Variants in AKT2 observed in about 807,000 individuals in gnomAD.
AKT2 encodes the protein RAC-beta serine/threonine-protein kinase.
Under a neutral mutation model 58.6 loss-of-function variants are expected in AKT2, and 16 were observed. The ratio of observed to expected loss-of-function variants is 0.27; its 90% CI spans 0.18 to 0.41. The LOEUF (loss-of-function observed/expected upper bound fraction) is 0.41. Ranked by LOEUF, AKT2 falls within the 10% of genes least tolerant of loss-of-function variation. AKT2 has a pLI of 1.00. For synonymous variants in AKT2, 253 were observed against 254.0 expected, an observed-to-expected ratio of 1.00 and a Z score of 0.04; for missense variants, 438 against 661.0, an observed-to-expected ratio of 0.66 and a Z score of 3.70.
chr19:40,282,708 C>G (rs373013888), intron 1 of AKT2: 1 of 357,658 alleles, frequency 2.8e-6, no homozygotes, highest in South Asian at 2.1e-5. Flanking sequence ...CAAATCCTAC[C>G]CTGGCACCCA....
rs758179603 is a variant in AKT2, at chr19:40,232,425, C to T, written c.*1447G>A. The T allele has an allele frequency of 3.0e-5, 7 of 233,804 alleles. No homozygotes were observed. The highest frequency in any genetic ancestry group is 1.1e-4 in the African/African-American group (5 of 45,300). The allele number at this position is 233,804 out of a possible 1,614,324, so 14.5% of individuals were successfully genotyped here. A position where few individuals can be genotyped will look rare whatever the true frequency, so the allele number is the denominator to read the frequency against. On this transcript the variant is annotated 3_prime_UTR_variant, in exon 14 of 14. Coordinates refer to ENST00000392038, the MANE Select transcript of AKT2 (RefSeq NM_001626.6). ...ACGGAGAACTGTCAGATAACAACAT[C>T]GCACACAGAGGAAAAAGACCCTCAC... is the stretch of plus-strand genomic sequence containing the variant.
rs199761707 is a variant in AKT2 at position 40,236,414 on chromosome 19, G to A, written c.832-29C>T. On this transcript the variant is annotated intron_variant, in intron 9 of 13. Transcript: ENST00000392038. ...TTGGAAAAGTCAACGGATCTCAGGT[G>A]CATGCTCCCAAGGCTTCCTGCCACC... 2,104 of 1,613,484 alleles carry A rather than the reference G, an allele frequency of 1.3e-3. 4 individuals are homozygous for A. Among genetic ancestry groups the A allele is most frequent in the Non-Finnish European group, 1.7e-3 (1,979 of 1,179,954 alleles).
At chr19:40,269,955 G>A (rs932543707) in intron 1 of AKT2, among the ~76,000 whole-genome samples, 2 of 152,038 alleles carry the variant, frequency 1.3e-5, no homozygotes, top group African/African-American at 2.4e-5. Context: ...AGGACCCTAC[G>A]CGGCCTGCAA....
intron 7 of AKT2, chr19:40,239,690 T>C (rs1414095705): frequency 2.4e-6 from 1 of 418,902 alleles, no homozygotes; most frequent in African/African-American, 2.0e-5. Flanking sequence ...CATCTGCTTC[T>C]ATGAGCATAT....
chr19:40,252,406 G>C (rs1007545240), intron 4 of AKT2, among the ~76,000 whole-genome samples: 1 of 152,188 alleles, frequency 6.6e-6, no homozygotes, highest in African/African-American at 2.4e-5. Context: ...GTAAAGGAAA[G>C]GGCATGTTGT....
chr19:40,276,061 T>C (rs1041904221), intron 1 of AKT2, among the ~76,000 whole-genome samples: 7 of 148,990 alleles, frequency 4.7e-5, no homozygotes, highest in Admixed American at 3.3e-4. Flanking sequence ...CATTCTGGAG[T>C]GCAATTCTAT....
intron 4 of AKT2, among the ~76,000 whole-genome samples, chr19:40,251,527 C>T (rs181349244): frequency 2.1e-4 from 32 of 151,896 alleles, no homozygotes; most frequent in Admixed American, 1.1e-3. Flanking sequence ...TGACATTCTA[C>T]AAGACAACTA....
At position 40,237,893 on chromosome 19, in the gene AKT2, C is replaced by T; in HGVS notation, c.831+76G>A. The T allele has an allele frequency of 6.3e-7, 1 of 1,595,260 alleles. No homozygotes were observed. The highest frequency in any genetic ancestry group is 8.5e-7 in the Non-Finnish European group (1 of 1,172,346). ...AGCCTGGCGAATGAGGGCAGAAGCT[C>T]AGCCCAACTTCCCCAGTGTGAGTCC... On this transcript the variant is annotated intron_variant, in intron 9 of 13. Coordinates refer to ENST00000392038, the MANE Select transcript of AKT2 (RefSeq NM_001626.6). The surrounding 1 kb of genome is among the most constrained non-coding windows in gnomAD (Gnocchi z 4.5).
intron 1 of AKT2, among the ~76,000 whole-genome samples, chr19:40,284,194 A>C (rs1402301577): frequency 6.6e-6 from 1 of 152,124 alleles, no homozygotes; most frequent in East Asian, 1.9e-4. Flanking sequence ...AGATGCCCCC[A>C]GAGAGCTTCC....
chr19:40,235,053 G>C lies in AKT2; in HGVS notation c.1358C>G (p.Pro453Arg). 1 of 1,614,114 alleles carries C rather than the reference G, an allele frequency of 6.2e-7. No individual in the cohort carries two copies. Among genetic ancestry groups the C allele is most frequent in the Non-Finnish European group, 8.5e-7 (1 of 1,179,940 alleles). ...GGGCCCCAGGCACTCACAGCGGTCA[G>C]GGGGTGTGATTGTGATGGACTGGGC... ...FTAQSITITP[P>R]DRYDSLGLLE... is the part of the protein sequence containing the mutation. The change falls in exon 13 of 14, where the codon CCT becomes CGT. Residue 453 changes from proline to arginine, a missense_variant. Transcript: ENST00000392038. The surrounding 1 kb of genome is among the most constrained non-coding windows in gnomAD (Gnocchi z 6.3).
intron 3 of AKT2, among the ~76,000 whole-genome samples, chr19:40,255,501 C>T (rs182697199): frequency 2.0e-5 from 3 of 152,070 alleles, no homozygotes; most frequent in African/African-American, 7.2e-5. Context: ...GACAGGGCCG[C>T]GATGGGGACA....
intron 4 of AKT2, among the ~76,000 whole-genome samples, chr19:40,250,504 A>C (rs1205035583): frequency 6.7e-6 from 1 of 149,034 alleles, no homozygotes; most frequent in Non-Finnish European, 1.5e-5. Context: ...ACTCTGTCTA[A>C]AAAAAAAAGA....
At chr19:40,277,293 T>C (rs984232875) in intron 1 of AKT2, among the ~76,000 whole-genome samples, 20 of 152,178 alleles carry the variant, frequency 1.3e-4, no homozygotes, top group Non-Finnish European at 2.8e-4. Flanking sequence ...GAAAATATCA[T>C]CTAAATGAAA....
intron 2 of AKT2, 64 bp downstream of exon 2, chr19:40,265,158 G>A (rs1976254677): frequency 6.3e-7 from 1 of 1,582,944 alleles, no homozygotes; most frequent in Non-Finnish European, 8.6e-7. Flanking sequence ...GCCTCTCAGG[G>A]CACAGCTTTC....
intron 6 of AKT2, 52 bp downstream of exon 6, chr19:40,241,885 TC>T: frequency 6.2e-7 from 1 of 1,612,340 alleles, no homozygotes; most frequent in South Asian, 1.1e-5. Flanking sequence ...AGGGTCAGGC[TC>T]CAGACCGCAG....
chr19:40,255,803 G>C (rs1001475064), intron 3 of AKT2, among the ~76,000 whole-genome samples: 1 of 152,196 alleles, frequency 6.6e-6, no homozygotes. Context: ...TTTGTCCTCA[G>C]GGCAGCAGGG....
chr19:40,267,638 G>T (rs1282954373), intron 1 of AKT2, among the ~76,000 whole-genome samples: 3 of 152,160 alleles, frequency 2.0e-5, no homozygotes, highest in African/African-American at 7.2e-5. Context: ...AGCACATGAA[G>T]AAAGAGGCCA....
At chr19:40,274,856 T>C (rs2077281536) in intron 1 of AKT2, 2 of 350,530 alleles carry the variant, frequency 5.7e-6, no homozygotes, top group Non-Finnish European at 1.1e-5. Flanking sequence ...GGCTCTTATT[T>C]GGAGTGAGAG....
chr19:40,268,248 G>C (rs922409470), intron 1 of AKT2, among the ~76,000 whole-genome samples: 1 of 152,176 alleles, frequency 6.6e-6, no homozygotes, highest in African/African-American at 2.4e-5. Context: ...CTCCCCTCTC[G>C]CTGGCCCACA....
Sources: allele counts gnomAD v4.1 joint callset (sites outside exome capture counted in the v4.1 genomes callset), GRCh38; gene constraint gnomAD v4.1.1; non-coding constraint Gnocchi (gnomAD v3.1); transcripts MANE v1.5; gene names NCBI Gene and HGNC (gene_info 2026-07-23, HGNC 2026-07-21).